Variants in ZNF717 observed in about 807,000 individuals in gnomAD.
ZNF717 encodes the protein zinc finger protein 717.
ZNF717 carries 9 observed loss-of-function variants against 13.8 expected under a neutral mutation model. That is an observed-to-expected ratio of 0.65 (90% CI 0.39 to 1.14). The LOEUF is 1.14. ZNF717 is among the 50% of genes most tolerant of loss of function. ZNF717 has a pLI of 0.01. For missense variants in ZNF717, 1,040 were observed against 1,080.7 expected, an observed-to-expected ratio of 0.96 and a Z score of 0.53; for synonymous variants, 327 against 364.1, an observed-to-expected ratio of 0.90 and a Z score of 1.16.
chr3:75,755,537 C>A (rs1942395216), intron 2 of ZNF717, among the ~76,000 whole-genome samples: 1 of 151,778 alleles, frequency 6.6e-6, no homozygotes, highest in Non-Finnish European at 1.5e-5. Flanking sequence ...TGCTTATACA[C>A]AAGTGAAATA....
At chr3:75,699,508 T>G (rs1425014411) in intron 6 of ZNF717, among the ~76,000 whole-genome samples, 1 of 152,092 alleles carries the variant, frequency 6.6e-6, no homozygotes, top group African/African-American at 2.4e-5. Context: ...CCCACAATAG[T>G]TAGCTTTCAT....
At chr3:75,698,183 C>A (rs1937626035) in intron 6 of ZNF717, among the ~76,000 whole-genome samples, 2 of 152,136 alleles carry the variant, frequency 1.3e-5, no homozygotes, top group African/African-American at 4.8e-5. Flanking sequence ...CTTAAGCTTA[C>A]AAGGGAAGCA....
chr3:75,776,435 G>T (rs1386222610), intron 2 of ZNF717, among the ~76,000 whole-genome samples: 2 of 152,224 alleles, frequency 1.3e-5, no homozygotes, highest in Admixed American at 6.5e-5. Flanking sequence ...TTGTATAAAA[G>T]CTCTTCCATG....
At chr3:75,726,384 A>C (rs1361625911), downstream of ZNF717, among the ~76,000 whole-genome samples, 1 of 152,258 alleles carries the variant, frequency 6.6e-6, no homozygotes, top group Non-Finnish European at 1.5e-5. Flanking sequence ...GCACTTTGGG[A>C]GGTTGAGGCA....
At chr3:75,777,620 C>A (rs973946589) in intron 2 of ZNF717, among the ~76,000 whole-genome samples, 28 of 151,794 alleles carry the variant, frequency 1.8e-4, no homozygotes, top group African/African-American at 6.8e-4. Context: ...TTTGCTAAAA[C>A]CGGAACCCAA....
At chr3:75,726,799 T>C (rs1376868806), downstream of ZNF717, among the ~76,000 whole-genome samples, 1 of 152,250 alleles carries the variant, frequency 6.6e-6, no homozygotes, top group East Asian at 1.9e-4. Flanking sequence ...TGTTCCTCAG[T>C]ATCCGTGGGA....
At chr3:75,769,149 AGTATGAC>A (rs1943715083) in intron 2 of ZNF717, among the ~76,000 whole-genome samples, 1 of 152,128 alleles carries the variant, frequency 6.6e-6, no homozygotes, top group Non-Finnish European at 1.5e-5. Context: ...CTCAGTGATG[AGTATGAC>A]TGGACAGTGT....
intron 4 of ZNF717, among the ~76,000 whole-genome samples, chr3:75,723,165 A>G (rs1938201545): frequency 6.6e-6 from 1 of 151,462 alleles, no homozygotes; most frequent in Admixed American, 6.6e-5. Flanking sequence ...GAACGCAGAT[A>G]CGTTTTCCAT....
chr3:75,737,821 A>G lies in ZNF717; in HGVS notation c.1802T>C (p.Ile601Thr). 2 of 1,550,382 alleles carry G rather than the reference A, an allele frequency of 1.3e-6. No individual in the cohort carries two copies. Among genetic ancestry groups the G allele is most frequent in the Admixed American group, 3.9e-5 (2 of 50,944 alleles). The part of the protein sequence containing the change: ...YECNECEKTF[I>T]NKLNLGIHKR... ...GTGTATCCCAAGGTTTAACTTATTG[A>G]TAAAGGTTTTCTCACATTCATTACA... The change falls in exon 5 of 5, where the codon ATC becomes ACC. Residue 601 changes from isoleucine to threonine, a missense_variant. By Grantham distance (89) the Ile-to-Thr change is moderately conservative (BLOSUM62 -1). Transcript: ENST00000652011.
chr3:75,765,432 A>G (rs989035832), intron 2 of ZNF717, among the ~76,000 whole-genome samples: 5 of 152,218 alleles, frequency 3.3e-5, no homozygotes, highest in African/African-American at 1.2e-4. Flanking sequence ...CTTTTTTGAT[A>G]CAGGGTCTTA....
At position 75,738,915 on chromosome 3, in the gene ZNF717, A is replaced by G. The variant is rs1575770141; in HGVS notation, c.708T>C (p.Phe236=). 3.1e-5 allele frequency: 48 copies of G among 1,551,522 alleles called. 1 individual carries two copies. In the South Asian group the frequency reaches 5.7e-4, roughly 18 times the overall value. ...IHKRVHIVQT[F]GKYNEYEKAC... is the part of the protein sequence containing the mutation. ...CTTTCTCATATTCATTATATTTACCAAAGGTCTGTACTATATGAACCCTCT... is the reference window on the plus strand; with the variant it reads ...CTTTCTCATATTCATTATATTTACCGAAGGTCTGTACTATATGAACCCTCT... The change falls in exon 5 of 5, where the codon TTT becomes TTC. Residue 236 remains phenylalanine, a synonymous_variant. Transcript: ENST00000652011.
chr3:75,696,924 C>G (rs1575756717), intron 6 of ZNF717, among the ~76,000 whole-genome samples: 1 of 149,126 alleles, frequency 6.7e-6, no homozygotes, highest in Non-Finnish European at 1.5e-5. Context: ...AAAACAAGGA[C>G]AAAATCCATA....
chr3:75,738,302 G>T lies in ZNF717; in HGVS notation c.1321C>A (p.His441Asn). The change falls in exon 5 of 5, where the codon CAT becomes AAT. Residue 441 changes from histidine (H) to asparagine (N), a missense_variant. Physicochemically the swap from His to Asn is moderately conservative, Grantham distance 68 (BLOSUM62 1). Around this residue, in one of 3 missense-constraint regions of ZNF717, gnomAD observed 873 missense variants for 832.8 expected, o/e 1.05. Transcript: ENST00000652011. ...TTTTCCCCTGTGTGTGTTCTCTGATGGACAGTAAGCCTTGACTTATGGCTA... is the reference window on the plus strand; with the variant it reads ...TTTTCCCCTGTGTGTGTTCTCTGATTGACAGTAAGCCTTGACTTATGGCTA... ...AFSHKSRLTV[H>N]QRTHTGEKPY... The T allele has an allele frequency of 3.2e-6, 5 of 1,550,204 alleles. No individual in the cohort carries two copies. Among genetic ancestry groups the T allele is most frequent in the Non-Finnish European group, 4.4e-6 (5 of 1,144,572 alleles).
At chr3:75,709,590 A>G (rs1312663183), downstream of ZNF717, 2 of 152,266 alleles carry the variant, frequency 1.3e-5, no homozygotes, top group South Asian at 2.1e-4. Context: ...ATGCCAGTCC[A>G]TGGTTGGAAG....
chr3:75,763,125 A>C (rs1483450314), intron 2 of ZNF717, among the ~76,000 whole-genome samples: 1 of 152,254 alleles, frequency 6.6e-6, no homozygotes, highest in Non-Finnish European at 1.5e-5. Context: ...TATGACAATG[A>C]ATTTGTCAAT....
In ZNF717 at chr3:75,741,379, G is replaced by C. The variant is rs1940410410; in HGVS notation, c.185-11C>G. On this transcript the variant is annotated splice_polypyrimidine_tract_variant and intron_variant, in intron 3 of 4. Coordinates refer to ENST00000652011, the MANE Select transcript of ZNF717 (RefSeq NM_001290208.3). ...TGGTAATGTAATGCCCTGGTAATGA[G>C]AAACAATGGAAGACTTTGTCAAACC... The C allele has an allele frequency of 1.3e-6, 2 of 1,505,774 alleles. No individual in the cohort carries two copies. Among genetic ancestry groups the C allele is most frequent in the Admixed American group, 2.0e-5 (1 of 50,936 alleles). 93.3% of individuals were successfully genotyped at this position (1,505,774 alleles called of 1,614,324 possible).
chr3:75,782,828 C>T lies in ZNF717; in HGVS notation c.57+478G>A, dbSNP rs192721087. Among the ~76,000 whole-genome samples, 434 of 151,390 alleles carry T rather than the reference C, an allele frequency of 2.9e-3. 1 individual carries two copies. The highest frequency in any genetic ancestry group is 2.0e-3 in the Non-Finnish European group (138 of 67,848). ...AGATGACCATTTCCACTGCACAACA[C>T]GCCGTGCTTTAGCGGATGACGACCG... On this transcript the variant is annotated intron_variant, in intron 2 of 4. Transcript: ENST00000652011.
At chr3:75,733,798 A>G (rs111815703), downstream of ZNF717, among the ~76,000 whole-genome samples, 51 of 118,680 alleles carry the variant, frequency 4.3e-4, no homozygotes, top group Middle Eastern at 4.8e-3. Flanking sequence ...AAAAAAAAAA[A>G]AATTACATTC....
intron 2 of ZNF717, among the ~76,000 whole-genome samples, chr3:75,751,624 T>C (rs142642513): frequency 2.3e-5 from 3 of 131,814 alleles, no homozygotes; most frequent in South Asian, 4.9e-4. Flanking sequence ...TAGGATTCCA[T>C]AACACTCCTG....
Sources: allele counts gnomAD v4.1 joint callset (sites outside exome capture counted in the v4.1 genomes callset), GRCh38; gene constraint gnomAD v4.1.1; regional missense constraint gnomAD v4.1.1; transcripts MANE v1.5; gene names NCBI Gene and HGNC (gene_info 2026-07-23, HGNC 2026-07-21).